The following PHEX variants were observed in gnomAD, a reference collection of about 807,000 sequenced individuals.
PHEX encodes phosphate regulating endopeptidase X-linked.
A neutral mutation model predicts 68.0 loss-of-function variants in PHEX; 16 were observed. The observed-to-expected ratio is 0.24, with a 90% CI of 0.16 to 0.36. The LOEUF (loss-of-function observed/expected upper bound fraction) is 0.36. Ranked by LOEUF, PHEX falls within the 10% of genes least tolerant of loss-of-function variation. The pLI is 1.00. For synonymous variants in PHEX, 208 were observed against 205.1 expected (o/e 1.01, Z -0.12); for missense variants, 480 against 575.5 (o/e 0.83, Z 1.70).
chrX:22,087,029 C>T (rs768656020), intron 5 of PHEX, among the ~76,000 whole-genome samples: 52 of 111,999 alleles, frequency 4.6e-4, no homozygotes, highest in Non-Finnish European at 9.0e-4. Flanking sequence ...ATTTGACTGA[C>T]CTTATTCAAT....
In PHEX at chrX:22,032,808, A is replaced by G; in HGVS notation, c.-198A>G. On this transcript the variant is annotated 5_prime_UTR_variant, in exon 1 of 22. It adds an upstream start codon to the 5' untranslated region. Transcript: ENST00000379374. ...CAGGGGGAAAGCCAAGGCAACCAATATTTTGGTTTTTATAATTTTCATTTG... is the reference window on the plus strand; with the variant it reads ...CAGGGGGAAAGCCAAGGCAACCAATGTTTTGGTTTTTATAATTTTCATTTG... The G allele has an allele frequency of 2.2e-6, 1 of 446,764 alleles. No individual in the cohort carries two copies. Among genetic ancestry groups the G allele is most frequent in the Non-Finnish European group, 4.0e-6 (1 of 252,611 alleles). 36.8% of individuals were successfully genotyped at this position (446,764 alleles called of 1,213,427 possible). A position where few individuals can be genotyped will look rare whatever the true frequency, so the allele number is the denominator to read the frequency against.
intron 3 of PHEX, among the ~76,000 whole-genome samples, chrX:22,055,760 C>T (rs1054339318): frequency 1.8e-5 from 2 of 111,628 alleles, no homozygotes; most frequent in African/African-American, 6.5e-5. Flanking sequence ...GGTGTTTTGC[C>T]GTGTTGGCCA....
At chrX:22,140,348 G>A (rs1876380552) in intron 12 of PHEX, among the ~76,000 whole-genome samples, 1 of 111,270 alleles carries the variant, frequency 9.0e-6, no homozygotes, top group African/African-American at 3.3e-5. Flanking sequence ...GAGATCCAAA[G>A]GCTCTTTCTT....
At chrX:22,156,271 C>T (rs1932949626) in intron 12 of PHEX, among the ~76,000 whole-genome samples, 1 of 110,359 alleles carries the variant, frequency 9.1e-6, no homozygotes, top group Non-Finnish European at 1.9e-5. Flanking sequence ...GTCAGGCTTG[C>T]TTTAGTAAGG....
chrX:22,104,308 A>T (rs1930569090), intron 9 of PHEX, among the ~76,000 whole-genome samples: 2 of 110,652 alleles, frequency 1.8e-5, no homozygotes, highest in Non-Finnish European at 3.8e-5. Context: ...ACAGAATTAG[A>T]GCAATGAGAT....
At chrX:22,213,669 C>T (rs983189515) in intron 16 of PHEX, among the ~76,000 whole-genome samples, 3 of 111,703 alleles carry the variant, frequency 2.7e-5, no homozygotes, top group African/African-American at 6.5e-5. Context: ...TCAATAATAT[C>T]ACCATTTCTA....
chrX:22,052,228 T>C (rs185170077), intron 3 of PHEX, among the ~76,000 whole-genome samples: 1 of 112,187 alleles, frequency 8.9e-6, no homozygotes, highest in Non-Finnish European at 1.9e-5. Context: ...TTAATTAATT[T>C]ATTTACTTAT....
rs149861020 is a variant in PHEX, at chrX:22,219,476, C to T, written c.1768+373C>T. Among the ~76,000 whole-genome samples, 52 of 112,583 alleles carry T rather than the reference C, an allele frequency of 4.6e-4. No homozygotes were observed. In the East Asian group the frequency reaches 6.7e-3, roughly 14 times the overall value. On this transcript the variant is annotated intron_variant, in intron 17 of 21. Transcript: ENST00000379374. ...CCTGGAGGAGCAAGCTCTGCTCCAA[C>T]GATGATTATACATGCTGCCAAGTTA...
At chrX:22,137,201 TC>T (rs1932269701) in intron 12 of PHEX, among the ~76,000 whole-genome samples, 1 of 111,715 alleles carries the variant, frequency 9.0e-6, no homozygotes, top group Non-Finnish European at 1.9e-5. Flanking sequence ...AGGAGCAACT[TC>T]CTGAGCTTGG....
At chrX:22,202,541 G>A (rs1309060397) in intron 15 of PHEX, among the ~76,000 whole-genome samples, 1 of 112,233 alleles carries the variant, frequency 8.9e-6, no homozygotes, top group Non-Finnish European at 1.9e-5. Flanking sequence ...GCATCTTAAA[G>A]ATACTGTTGG....
chrX:22,086,879 T>TA (rs1365042565), intron 5 of PHEX, among the ~76,000 whole-genome samples: 1 of 112,443 alleles, frequency 8.9e-6, no homozygotes, highest in East Asian at 2.8e-4. Context: ...TTGGATTTCC[T>TA]AAAAAACATA....
intron 13 of PHEX, among the ~76,000 whole-genome samples, chrX:22,174,364 C>T (rs1933634351): frequency 8.9e-6 from 1 of 111,928 alleles, no homozygotes; most frequent in Non-Finnish European, 1.9e-5. Context: ...GTTTCTACTT[C>T]TAGAAAAAAT....
chrX:22,184,306 T>G (rs1371684473), intron 14 of PHEX, among the ~76,000 whole-genome samples: 2 of 110,628 alleles, frequency 1.8e-5, no homozygotes, highest in Admixed American at 1.9e-4. Flanking sequence ...ACTTTTAGCC[T>G]CATGATACTC....
At chrX:22,238,281 AGGGTGAGCCAAAG>A (rs1936055013) in intron 20 of PHEX, among the ~76,000 whole-genome samples, 1 of 111,894 alleles carries the variant, frequency 8.9e-6, no homozygotes, top group South Asian at 3.8e-4. Context: ...CAGCCCACGG[AGGGTGAGCCAAAG>A]CAGGGTGGGA....
At chrX:22,153,882 A>C (rs1019797728) in intron 12 of PHEX, among the ~76,000 whole-genome samples, 8 of 112,227 alleles carry the variant, frequency 7.1e-5, no homozygotes, top group African/African-American at 2.3e-4. Flanking sequence ...GATGCCTGAA[A>C]GTACTTAAAA....
chrX:22,083,857 C>A (rs2047388897), intron 5 of PHEX, among the ~76,000 whole-genome samples: 1 of 111,992 alleles, frequency 8.9e-6, no homozygotes, highest in African/African-American at 3.2e-5. Context: ...CTGGCCAGGA[C>A]TTCTAGTATT....
At chrX:22,058,986 G>A (rs987852315) in intron 3 of PHEX, among the ~76,000 whole-genome samples, 9 of 111,541 alleles carry the variant, frequency 8.1e-5, no homozygotes, top group African/African-American at 2.9e-4. Context: ...TATATTTTTA[G>A]TAGAGACAGG....
At chrX:22,036,826 AGTGGCTCACACC>A (rs1447870500) in intron 1 of PHEX, among the ~76,000 whole-genome samples, 1 of 108,864 alleles carries the variant, frequency 9.2e-6, no homozygotes, top group Non-Finnish European at 1.9e-5. Context: ...GGCCAGGCGC[AGTGGCTCACACC>A]TGTAATCCCA....
At chrX:22,154,755 A>G (rs755410703) in intron 12 of PHEX, among the ~76,000 whole-genome samples, 4 of 111,990 alleles carry the variant, frequency 3.6e-5, no homozygotes, top group Non-Finnish European at 7.5e-5. Context: ...TGTGTTTTCA[A>G]CAAGCTCCCA....
Sources: gnomAD v4.1 joint callset for allele counts (sites outside exome capture counted in the v4.1 genomes callset) on GRCh38, gnomAD v4.1.1 for gene constraint, MANE v1.5 for transcripts, NCBI Gene and HGNC (gene_info 2026-07-23, HGNC 2026-07-21) for gene names.